TCF25: variants seen among roughly 807,000 people sequenced by gnomAD.
The protein encoded by TCF25 is ribosome quality control complex subunit TCF25.
TCF25 carries 41 observed loss-of-function variants against 83.1 expected under a neutral mutation model. That is an observed-to-expected ratio of 0.49 (90% confidence interval 0.38 to 0.64). The LOEUF (loss-of-function observed/expected upper bound fraction) is 0.64. TCF25 is among the 30% of genes least tolerant of loss of function. The probability of loss-of-function intolerance (pLI) is 0.00; values close to 1 mark genes in which losing one functional copy is unlikely to be tolerated. For synonymous variants in TCF25, 458 were observed against 365.0 expected, an observed-to-expected ratio of 1.25 and a Z score of -2.90; for missense variants, 979 against 914.5, an observed-to-expected ratio of 1.07 and a Z score of -0.91.
chr16:89,900,982 C>T (rs757049797), intron 12 of TCF25, 188 bp downstream of exon 12: 43 of 620,846 alleles, frequency 6.9e-5, no homozygotes, highest in Non-Finnish European at 9.1e-5. Context: ...GAACCCGCTG[C>T]GTGCCAAGCC....
intron 6 of TCF25, 26 bp downstream of exon 6, chr16:89,892,301 G>A (rs749732862): frequency 1.9e-6 from 3 of 1,597,378 alleles, no homozygotes; most frequent in East Asian, 4.6e-5. Context: ...TGCTGCTGGG[G>A]ATGGAGGGTT....
chr16:89,907,620 GCTCCCGCCTCCCTCATCCTAGTTCCCAC>G (rs2044995989), intron 16 of TCF25, among the ~76,000 whole-genome samples: 9 of 26,140 alleles, frequency 3.4e-4, no homozygotes, highest in East Asian at 1.2e-3. Context: ...CCACCTCCCA[GCTCCCGCCTCCCTCATCCTAGTTCCCAC>G]CTCCCAGCTC....
At chr16:89,887,257 G>A (rs2043085966) in intron 4 of TCF25, among the ~76,000 whole-genome samples, 1 of 151,984 alleles carries the variant, frequency 6.6e-6, no homozygotes, top group Non-Finnish European at 1.5e-5. Context: ...TGGTCTTACA[G>A]ATGCTTAATG....
intron 1 of TCF25, among the ~76,000 whole-genome samples, chr16:89,876,480 TCTTAAACTC>T (rs2042198678): frequency 1.3e-5 from 2 of 152,238 alleles, no homozygotes; most frequent in South Asian, 4.1e-4. Context: ...CCTAGGTTGG[TCTTAAACTC>T]CTGGGCTCAA....
intron 3 of TCF25, 123 bp from the exon 4 acceptor site, chr16:89,885,725 T>C (rs1290810310): frequency 6.3e-6 from 5 of 799,138 alleles, no homozygotes; most frequent in Admixed American, 2.1e-5. Context: ...GTTTGACTTA[T>C]GCTGTCCTTT....
chr16:89,899,096 TACGTGTGTACACATGCTCAA>T (rs1362972583), intron 11 of TCF25, among the ~76,000 whole-genome samples: 3 of 152,168 alleles, frequency 2.0e-5, no homozygotes, highest in Admixed American at 1.3e-4. Flanking sequence ...AGAATCCTCA[TACGTGTGTACACATGCTCAA>T]ACGTGTGTAC....
intron 9 of TCF25, among the ~76,000 whole-genome samples, chr16:89,898,323 G>A (rs547028430): frequency 6.7e-6 from 1 of 149,728 alleles, no homozygotes; most frequent in East Asian, 2.0e-4. Context: ...AGCGGGTGCT[G>A]ACTGGGGCGC....
chr16:89,900,605 C>A, intron 11 of TCF25, 30 bp from the exon 12 acceptor site: 1 of 1,556,610 alleles, frequency 6.4e-7, no homozygotes, highest in Non-Finnish European at 8.8e-7. Context: ...TGACTTAAGG[C>A]TCCACGCTCT....
intron 1 of TCF25, among the ~76,000 whole-genome samples, chr16:89,881,896 A>G (rs1012148185): frequency 6.6e-5 from 10 of 152,144 alleles, no homozygotes; most frequent in African/African-American, 2.4e-4. Context: ...CTGGGATTAC[A>G]GGCACGCGCC....
At chr16:89,875,802 G>A (rs1483741053) in intron 1 of TCF25, among the ~76,000 whole-genome samples, 1 of 144,106 alleles carries the variant, frequency 6.9e-6, no homozygotes, top group Non-Finnish European at 1.5e-5. Context: ...GATTACAGGC[G>A]TGAGCCACTG....
chr16:89,886,279 T>C, intron 4 of TCF25: 1 of 364,120 alleles, frequency 2.7e-6, no homozygotes, highest in Non-Finnish European at 5.4e-6. Context: ...TACAAAAAAT[T>C]AGCTGGGCGT....
chr16:89,909,010 T>C, intron 16 of TCF25: 3 of 1,289,540 alleles, frequency 2.3e-6, no homozygotes, highest in Non-Finnish European at 3.0e-6. Flanking sequence ...GGGTCACAGC[T>C]CTGCGTTTGC....
chr16:89,909,675 CAAAA>C lies in TCF25; in HGVS notation c.1800-899_1800-896del, dbSNP rs570932821. Reference sequence around the variant, plus strand: ...CCTGGGTGACAGAGTGACTCCATCTCAAAAAAAAAAAAAAAAAAAATCCTCCAGT... The same window carrying C: ...CCTGGGTGACAGAGTGACTCCATCTCAAAAAAAAAAAAAAAATCCTCCAGT... On this transcript the variant is annotated intron_variant, in intron 16 of 17. Coordinates refer to ENST00000263346, the MANE Select transcript of TCF25 (RefSeq NM_014972.3). 17 of 90,176 alleles carry C rather than the reference CAAAA, an allele frequency of 1.9e-4. No individual in the cohort carries two copies. The East Asian group carries it at 3.2e-3, about 17-fold the overall frequency. 5.6% of individuals were successfully genotyped at this position (90,176 alleles called of 1,614,324 possible). A position where few individuals can be genotyped will look rare whatever the true frequency, so the allele number is the denominator to read the frequency against.
chr16:89,904,072 G>A (rs1187773236), intron 12 of TCF25, 46 bp from the exon 13 acceptor site: 4 of 1,566,640 alleles, frequency 2.6e-6, no homozygotes, highest in African/African-American at 1.4e-5. Context: ...AGGAGTGGCT[G>A]GGGTGTGTGC....
At chr16:89,885,759 G>T (rs944041898) in intron 3 of TCF25, 89 bp from the exon 4 acceptor site, 10 of 1,070,254 alleles carry the variant, frequency 9.3e-6, no homozygotes, top group African/African-American at 1.6e-5. Flanking sequence ...AGTGTAATAG[G>T]TCTCTTTTAA....
At chr16:89,874,065 C>A (rs1337379222) in intron 1 of TCF25, among the ~76,000 whole-genome samples, 1 of 126,834 alleles carries the variant, frequency 7.9e-6, no homozygotes, top group African/African-American at 3.0e-5. Context: ...GACGGCGGGC[C>A]GCGGAGTTAG....
In TCF25 at chr16:89,898,978, G is replaced by A. The variant is rs181477776; in HGVS notation, c.1221+106G>A. On this transcript the variant is annotated intron_variant, in intron 11 of 17. Coordinates refer to ENST00000263346, the MANE Select transcript of TCF25 (RefSeq NM_014972.3). ...CTCAGGGGACGTTTGGGGATGAAAC[G>A]ATAATCGTCTGAGGGCAGAACCACG... 811 of 1,107,616 alleles carry A rather than the reference G, an allele frequency of 7.3e-4. 2 individuals are homozygous for A. Among genetic ancestry groups the A allele is most frequent in the Admixed American group, 1.3e-3 (65 of 50,860 alleles). 68.6% of individuals were successfully genotyped at this position (1,107,616 alleles called of 1,614,324 possible).
intron 1 of TCF25, among the ~76,000 whole-genome samples, chr16:89,881,302 A>C (rs2042589900): frequency 6.6e-6 from 1 of 151,958 alleles, no homozygotes; most frequent in African/African-American, 2.4e-5. Flanking sequence ...CTTGGAGCTG[A>C]TTGTGTTTTC....
intron 1 of TCF25, among the ~76,000 whole-genome samples, chr16:89,875,124 CAG>C (rs1240185965): frequency 1.3e-5 from 2 of 152,218 alleles, no homozygotes; most frequent in Admixed American, 6.5e-5. Context: ...CTTGGCCTCT[CAG>C]AGTGTTGGCA....
Sources: gnomAD v4.1 joint callset for allele counts (sites outside exome capture counted in the v4.1 genomes callset) on GRCh38, gnomAD v4.1.1 for gene constraint, MANE v1.5 for transcripts, NCBI Gene and HGNC (gene_info 2026-07-23, HGNC 2026-07-21) for gene names.